SHC4: variants seen among roughly 807,000 people sequenced by gnomAD.
SHC4 encodes SHC-transforming protein 4.
A neutral mutation model predicts 69.4 loss-of-function variants in SHC4; 41 were observed. The ratio of observed to expected loss-of-function variants is 0.59; its 90% CI spans 0.46 to 0.77. SHC4 has a LOEUF of 0.77. SHC4 is among the 30% of genes least tolerant of loss of function. SHC4 has a pLI of 0.00. For synonymous variants in SHC4, 318 were observed against 299.3 expected, an observed-to-expected ratio of 1.06 and a Z score of -0.64; for missense variants, 777 against 783.8, an observed-to-expected ratio of 0.99 and a Z score of 0.10.
intron 4 of SHC4, among the ~76,000 whole-genome samples, 162 bp from the exon 5 acceptor site, chr15:48,872,304 C>G (rs10519196): frequency 6.6e-6 from 1 of 152,156 alleles, no homozygotes; most frequent in Non-Finnish European, 1.5e-5. Context: ...ATTTAAACCA[C>G]GAGATTCTGA....
At chr15:48,827,550 C>CTTCTGCCTTCA (rs1555431202) in intron 11 of SHC4, among the ~76,000 whole-genome samples, 2 of 151,744 alleles carry the variant, frequency 1.3e-5, no homozygotes, top group Non-Finnish European at 2.9e-5. Context: ...CTTTGTATTT[C>CTTCTGCCTTCA]TTCTGCCTCA....
intron 1 of SHC4, among the ~76,000 whole-genome samples, chr15:48,945,399 G>T (rs1416261064): frequency 6.6e-6 from 1 of 151,792 alleles, no homozygotes; most frequent in African/African-American, 2.4e-5. Context: ...AAACATGTCT[G>T]CACAAAAACT....
chr15:48,857,716 G>A lies in SHC4; in HGVS notation c.1046C>T (p.Pro349Leu), dbSNP rs545203675. Residue 349 changes from proline to leucine, a missense_variant, in exon 7 of 12, where the codon CCT becomes CTT. Pro to Leu is a moderately conservative substitution (Grantham distance 98). Transcript: ENST00000332408. ...ELRFKQYLKN[P>L]SLNTSCESEE... The stretch of plus-strand genomic sequence containing the variant: ...CCTTTCACAAGAAGTATTCAAAGAA[G>A]GATTTTTCAAGTACTGTTTAAACCG... 2.1e-5 allele frequency: 34 copies of A among 1,601,600 alleles called. No homozygotes were observed. In the South Asian group the frequency reaches 3.3e-4, roughly 15 times the overall value.
At chr15:48,867,061 G>A (rs2140990353) in intron 6 of SHC4, among the ~76,000 whole-genome samples, 1 of 152,312 alleles carries the variant, frequency 6.6e-6, no homozygotes, top group East Asian at 1.9e-4. Context: ...ACAACAGCGA[G>A]TAAGAGAAAC....
intron 1 of SHC4, among the ~76,000 whole-genome samples, chr15:48,928,706 G>A (rs1900900483): frequency 6.6e-6 from 1 of 152,134 alleles, no homozygotes; most frequent in African/African-American, 2.4e-5. Context: ...GCAAGCCCAA[G>A]CATTGCTTCG....
intron 7 of SHC4, among the ~76,000 whole-genome samples, 170 bp from the exon 8 acceptor site, chr15:48,856,294 T>C (rs1165182256): frequency 6.6e-6 from 1 of 152,196 alleles, no homozygotes; most frequent in African/African-American, 2.4e-5. Context: ...AGTCAGATGG[T>C]TGAGTTGTTT....
In SHC4 at chr15:48,962,632, G is replaced by A. The variant is rs200771635; in HGVS notation, c.384C>T (p.Ser128=). 8 of 1,614,184 alleles carry A rather than the reference G, an allele frequency of 5.0e-6. No homozygotes were observed. The East Asian group carries it at 1.3e-4, about 27-fold the overall frequency. ...KLQESRDPGS[S]GPSSPETSLS... ...AACTGGTTTCTGGGGAAGAGGGGCC[G>A]CTGGAACCTGGGTCCCGGCTTTCCT... The change falls in exon 1 of 12, where the codon AGC becomes AGT. Residue 128 remains serine (S), a synonymous_variant. Coordinates refer to ENST00000332408, the MANE Select transcript of SHC4 (RefSeq NM_203349.4).
At chr15:48,850,314 C>T (rs1221821999) in intron 9 of SHC4, among the ~76,000 whole-genome samples, 1 of 151,998 alleles carries the variant, frequency 6.6e-6, no homozygotes, top group Non-Finnish European at 1.5e-5. Context: ...GTAATCATAC[C>T]TATACCAGAA....
intron 5 of SHC4, 47 bp from the exon 6 acceptor site, chr15:48,867,916 T>G: frequency 1.3e-6 from 2 of 1,483,682 alleles, no homozygotes; most frequent in Non-Finnish European, 1.9e-6. Flanking sequence ...TGAACTGTAC[T>G]GTTGAAAGAA....
intron 4 of SHC4, among the ~76,000 whole-genome samples, chr15:48,880,597 G>A (rs1307728520): frequency 6.6e-6 from 1 of 151,904 alleles, no homozygotes; most frequent in Non-Finnish European, 1.5e-5. Context: ...CTGGGACTGA[G>A]TAGGGCAAAG....
intron 2 of SHC4, among the ~76,000 whole-genome samples, chr15:48,920,054 A>G (rs1365606148): frequency 1.4e-5 from 2 of 147,280 alleles, no homozygotes; most frequent in African/African-American, 2.5e-5. Context: ...TTGCTCTGTC[A>G]CCCAGGCTGG....
rs542891867 is a variant in SHC4, at chr15:48,850,557, G to T, written c.1303+631C>A. On this transcript the variant is annotated intron_variant, in intron 9 of 11. Coordinates refer to ENST00000332408, the MANE Select transcript of SHC4 (RefSeq NM_203349.4). Reference sequence around the variant, plus strand: ...AAACTGCAAAACTTTCCTTCCTGAAGAAATAAATATGCTCAACAACTAATG... The same window carrying T: ...AAACTGCAAAACTTTCCTTCCTGAATAAATAAATATGCTCAACAACTAATG... Among the ~76,000 whole-genome samples, 4 of 152,192 alleles carry T rather than the reference G, an allele frequency of 2.6e-5. No homozygotes were observed. In the South Asian group the frequency reaches 8.3e-4, roughly 32 times the overall value.
At chr15:48,884,560 T>G (rs1900000253) in intron 3 of SHC4, among the ~76,000 whole-genome samples, 193 bp from the exon 4 acceptor site, 1 of 152,190 alleles carries the variant, frequency 6.6e-6, no homozygotes, top group African/African-American at 2.4e-5. Context: ...AGCGAATTCT[T>G]TATTAAGTAG....
intron 1 of SHC4, among the ~76,000 whole-genome samples, chr15:48,934,499 A>G (rs1319415055): frequency 6.6e-6 from 1 of 152,172 alleles, no homozygotes; most frequent in Non-Finnish European, 1.5e-5. Context: ...GCTGGTGGGA[A>G]TACAACATGG....
chr15:48,844,409 C>T (rs193178309), intron 9 of SHC4, among the ~76,000 whole-genome samples: 4 of 152,330 alleles, frequency 2.6e-5, no homozygotes, highest in African/African-American at 9.6e-5. Context: ...TTCCTCTCTC[C>T]TCCCCAGCCT....
intron 1 of SHC4, 83 bp downstream of exon 1, chr15:48,962,348 T>C (rs974870584): frequency 3.4e-5 from 47 of 1,385,464 alleles, no homozygotes; most frequent in Non-Finnish European, 4.5e-5. Context: ...CCCAGGCAGG[T>C]AACATTAGAC....
chr15:48,921,294 C>T (rs1471113067), intron 2 of SHC4, among the ~76,000 whole-genome samples: 6 of 151,146 alleles, frequency 4.0e-5, no homozygotes, highest in African/African-American at 1.5e-4. Context: ...ACAGTGGTTG[C>T]CAGGGGCTGG....
intron 2 of SHC4, among the ~76,000 whole-genome samples, chr15:48,922,632 T>G (rs1205720278): frequency 6.6e-6 from 1 of 152,208 alleles, no homozygotes; most frequent in Non-Finnish European, 1.5e-5. Context: ...TCTTGATACT[T>G]TCACACTGGG....
intron 4 of SHC4, chr15:48,878,824 G>A (rs1171317278): frequency 1.5e-6 from 2 of 1,368,266 alleles, no homozygotes; most frequent in Non-Finnish European, 2.0e-6. Flanking sequence ...AAATAGTTTT[G>A]TGCCATTGAA....
Sources: gnomAD v4.1 joint callset for allele counts (sites outside exome capture counted in the v4.1 genomes callset) on GRCh38, gnomAD v4.1.1 for gene constraint, MANE v1.5 for transcripts, NCBI Gene and HGNC (gene_info 2026-07-23, HGNC 2026-07-21) for gene names.